The following KLHL29 variants were observed in gnomAD, a reference collection of about 807,000 sequenced individuals.
The protein encoded by KLHL29 is kelch like family member 29.
In KLHL29, 21 loss-of-function variants were observed where a neutral mutation model predicts 80.4. The ratio of observed to expected loss-of-function variants is 0.26; its 90% CI spans 0.19 to 0.38. The LOEUF (loss-of-function observed/expected upper bound fraction) is 0.38. Ranked by LOEUF, KLHL29 falls within the 10% of genes least tolerant of loss-of-function variation. KLHL29 has a pLI of 1.00. For missense variants in KLHL29, 867 were observed against 1,223.9 expected (o/e 0.71, Z 4.35); for synonymous variants, 511 against 526.8 (o/e 0.97, Z 0.41).
intron 3 of KLHL29, among the ~76,000 whole-genome samples, chr2:23,615,401 A>G (rs965264864): frequency 1.3e-5 from 2 of 152,122 alleles, no homozygotes; most frequent in African/African-American, 4.8e-5. Context: ...GGATCCTGAG[A>G]CACCCTGAGT....
In KLHL29 at chr2:23,670,864, A is replaced by G. The variant is rs1023302833; in HGVS notation, c.941-13535A>G. The stretch of plus-strand genomic sequence containing the variant: ...TCCAGGGTCTTCCTCCTGGAAGACC[A>G]TGAAGGGCACAGAGTGGGCAGAGAA... On this transcript the variant is annotated intron_variant, in intron 5 of 13. Coordinates refer to ENST00000486442, the MANE Select transcript of KLHL29 (RefSeq NM_052920.2). Among the ~76,000 whole-genome samples the G allele has an allele frequency of 2.7e-5, 4 of 145,806 alleles. 1 individual carries two copies. The Middle Eastern group carries it at 0.011, about 393-fold the overall frequency.
At chr2:23,621,480 G>A (rs145545426) in intron 3 of KLHL29, among the ~76,000 whole-genome samples, 1 of 152,012 alleles carries the variant, frequency 6.6e-6, no homozygotes, top group Non-Finnish European at 1.5e-5. Context: ...AGAGAGGAGG[G>A]TGAGGAGAGG....
intron 3 of KLHL29, among the ~76,000 whole-genome samples, chr2:23,613,398 G>A (rs986998554): frequency 1.3e-5 from 2 of 152,152 alleles, no homozygotes; most frequent in Non-Finnish European, 2.9e-5. Flanking sequence ...CATAAAAGCA[G>A]GTGTAGCTAC....
chr2:23,674,028 C>CGGTGA (rs1190725217), intron 5 of KLHL29, among the ~76,000 whole-genome samples: 1 of 152,198 alleles, frequency 6.6e-6, no homozygotes, highest in Non-Finnish European at 1.5e-5. Context: ...CCAGCTGGGG[C>CGGTGA]GCTCCTGCTC....
intron 3 of KLHL29, among the ~76,000 whole-genome samples, chr2:23,599,747 A>G (rs955577446): frequency 3.3e-5 from 5 of 152,204 alleles, no homozygotes; most frequent in African/African-American, 1.2e-4. Flanking sequence ...TTCCGTGGAT[A>G]GGGAGTGTGT....
At chr2:23,605,488 A>G (rs1394225949) in intron 3 of KLHL29, among the ~76,000 whole-genome samples, 1 of 152,052 alleles carries the variant, frequency 6.6e-6, no homozygotes, top group Non-Finnish European at 1.5e-5. Context: ...TCCACAGAAC[A>G]CAGCCCCCGG....
At chr2:23,531,003 G>A (rs1293821750) in intron 2 of KLHL29, among the ~76,000 whole-genome samples, 1 of 152,228 alleles carries the variant, frequency 6.6e-6, no homozygotes, top group Non-Finnish European at 1.5e-5. Flanking sequence ...CTGGGTGTGT[G>A]GCCTCACAGA....
intron 6 of KLHL29, among the ~76,000 whole-genome samples, chr2:23,687,702 G>A (rs1344847504): frequency 2.0e-5 from 3 of 152,198 alleles, no homozygotes; most frequent in African/African-American, 7.2e-5. Context: ...TGTGGGTTAT[G>A]AAGAATGGGC....
chr2:23,701,793 C>CTTTCTT (rs1672392726), intron 11 of KLHL29, among the ~76,000 whole-genome samples: 6 of 22,544 alleles, frequency 2.7e-4, no homozygotes, highest in African/African-American at 7.2e-4. Context: ...CTTTTTTTTG[C>CTTTCTT]TTTTTTTTTT....
At chr2:23,395,458 G>A (rs1666426948) in intron 1 of KLHL29, among the ~76,000 whole-genome samples, 1 of 152,142 alleles carries the variant, frequency 6.6e-6, no homozygotes, top group African/African-American at 2.4e-5. Flanking sequence ...TAGAAACTAC[G>A]ATTGCAGGCC....
rs149080311 is a variant in KLHL29 at position 23,541,765 on chromosome 2, C to CAAAA, written c.-45-20384_-45-20381dup. ...AAAGAGCTTTTAAAAAAGCCCAACC[C>CAAAA]AAAAAACAAAAAAAAAAAAACCATA... On this transcript the variant is annotated intron_variant, in intron 2 of 13. Coordinates refer to ENST00000486442, the MANE Select transcript of KLHL29 (RefSeq NM_052920.2). Among the ~76,000 whole-genome samples the CAAAA allele has an allele frequency of 5.0e-3, 693 of 139,468 alleles. 7 individuals carry two copies. The highest frequency in any genetic ancestry group is 9.4e-3 in the African/African-American group (322 of 34,108). 91.5% of individuals were successfully genotyped at this position (139,468 alleles called of 152,430 possible).
intron 2 of KLHL29, among the ~76,000 whole-genome samples, chr2:23,560,028 G>A (rs957233556): frequency 2.0e-5 from 3 of 152,168 alleles, no homozygotes; most frequent in Admixed American, 2.0e-4. Flanking sequence ...GTTGAGGACA[G>A]CGGCATAAAT....
At chr2:23,524,704 T>C (rs768900365) in intron 2 of KLHL29, among the ~76,000 whole-genome samples, 3 of 152,214 alleles carry the variant, frequency 2.0e-5, no homozygotes, top group Admixed American at 2.0e-4. Context: ...TCCAGTGCTG[T>C]GCATGTGTCC....
At chr2:23,593,666 A>T (rs1318784473) in intron 3 of KLHL29, among the ~76,000 whole-genome samples, 1 of 152,212 alleles carries the variant, frequency 6.6e-6, no homozygotes, top group African/African-American at 2.4e-5. Flanking sequence ...TGGTCCAGGG[A>T]GCCTGCTCCC....
At chr2:23,641,474 C>T (rs1669767689) in intron 4 of KLHL29, among the ~76,000 whole-genome samples, 1 of 152,228 alleles carries the variant, frequency 6.6e-6, no homozygotes, top group Non-Finnish European at 1.5e-5. Flanking sequence ...CAGTGAACAC[C>T]CCCATCTCCA....
rs1671037479 is a variant in KLHL29, at chr2:23,680,262, G to A, written c.941-4137G>A. On this transcript the variant is annotated intron_variant, in intron 5 of 13. Transcript: ENST00000486442. This position sits in a 1 kb window ranked among gnomAD's most constrained non-coding sequence, Gnocchi z 4.1. ...GGACTTGGTGTGATGAGGGAGGGGAGGAGTCTGGGGAAGGCCTGCGGATTG... is the reference window on the plus strand; with the variant it reads ...GGACTTGGTGTGATGAGGGAGGGGAAGAGTCTGGGGAAGGCCTGCGGATTG... Among the ~76,000 whole-genome samples the A allele has an allele frequency of 6.6e-6, 1 of 152,130 alleles. No individual in the cohort carries two copies. The highest frequency in any genetic ancestry group is 6.5e-5 in the Admixed American group (1 of 15,282).
At chr2:23,432,681 GT>G (rs573834887) in intron 1 of KLHL29, among the ~76,000 whole-genome samples, 1 of 152,244 alleles carries the variant, frequency 6.6e-6, no homozygotes, top group African/African-American at 2.4e-5. Context: ...CTGAGGAGGC[GT>G]TTTTGAGCTG....
chr2:23,469,866 C>G (rs1159452483), intron 1 of KLHL29, among the ~76,000 whole-genome samples: 4 of 151,878 alleles, frequency 2.6e-5, no homozygotes, highest in African/African-American at 9.7e-5. Flanking sequence ...TGTGGAAATG[C>G]AAGGGTCATT....
intron 2 of KLHL29, among the ~76,000 whole-genome samples, chr2:23,556,194 T>G (rs1667286665): frequency 6.6e-6 from 1 of 152,196 alleles, no homozygotes. Flanking sequence ...GCTGGCTTCC[T>G]AAGTTGTGTG....
Sources: gnomAD v4.1 joint callset for allele counts (sites outside exome capture counted in the v4.1 genomes callset) on GRCh38, gnomAD v4.1.1 for gene constraint, Gnocchi (gnomAD v3.1) non-coding constraint, MANE v1.5 for transcripts, NCBI Gene and HGNC (gene_info 2026-07-23, HGNC 2026-07-21) for gene names.